Variants in NBEA observed in about 807,000 individuals in gnomAD.
NBEA encodes the protein lysosomal-trafficking regulator 2.
A neutral mutation model predicts 343.4 loss-of-function variants in NBEA; 44 were observed. That is an observed-to-expected ratio of 0.13 (90% CI 0.10 to 0.16). The LOEUF (loss-of-function observed/expected upper bound fraction) is 0.16, where lower values mean the gene tolerates loss of function less well. Among genes scored for constraint, NBEA ranks in the 10% least tolerant of loss-of-function variants. The pLI, the probability that NBEA is intolerant of heterozygous loss-of-function variation, is 1.00. For missense variants in NBEA, 2,555 were observed against 3,631.3 expected, an observed-to-expected ratio of 0.70 and a Z score of 7.62; for synonymous variants, 1,175 against 1,238.7, an observed-to-expected ratio of 0.95 and a Z score of 1.08.
intron 8 of NBEA, among the ~76,000 whole-genome samples, chr13:35,059,901 A>G (rs932697945): frequency 6.6e-6 from 1 of 151,816 alleles, no homozygotes; most frequent in Non-Finnish European, 1.5e-5. Flanking sequence ...AATACTTGCT[A>G]TCATGTATTT....
chr13:35,524,827 G>C (rs1260581292), intron 41 of NBEA, among the ~76,000 whole-genome samples: 2 of 152,126 alleles, frequency 1.3e-5, no homozygotes, highest in Non-Finnish European at 2.9e-5. Flanking sequence ...CAGAAATACA[G>C]CACTTACCAG....
intron 33 of NBEA, among the ~76,000 whole-genome samples, chr13:35,213,797 A>G (rs2073917528): frequency 6.6e-6 from 1 of 151,976 alleles, no homozygotes; most frequent in Admixed American, 6.6e-5. Context: ...TTGAGCATAC[A>G]TTTTAATGAG....
chr13:35,493,730 G>A (rs2076578006), intron 41 of NBEA, among the ~76,000 whole-genome samples: 1 of 151,916 alleles, frequency 6.6e-6, no homozygotes, highest in Non-Finnish European at 1.5e-5. Flanking sequence ...CCTGCCCTGT[G>A]TGATGAAGGC....
chr13:35,138,484 G>C (rs1355306095), intron 17 of NBEA, among the ~76,000 whole-genome samples: 2 of 148,828 alleles, frequency 1.3e-5, no homozygotes, highest in Non-Finnish European at 3.0e-5. Flanking sequence ...TTTCGAGATG[G>C]AGTTTTGCTC....
intron 46 of NBEA, among the ~76,000 whole-genome samples, chr13:35,587,025 A>T (rs915999723): frequency 3.3e-5 from 5 of 152,216 alleles, no homozygotes; most frequent in Non-Finnish European, 5.9e-5. Flanking sequence ...ATACAAAAAA[A>T]CTAATTAATT....
chr13:35,446,386 T>C (rs1327203138), intron 39 of NBEA, among the ~76,000 whole-genome samples: 2 of 152,160 alleles, frequency 1.3e-5, no homozygotes, highest in African/African-American at 2.4e-5. Flanking sequence ...CCTGAGGAAT[T>C]GCCTCACTGT....
At chr13:35,418,023 T>C (rs1204882195) in intron 38 of NBEA, among the ~76,000 whole-genome samples, 2 of 152,184 alleles carry the variant, frequency 1.3e-5, no homozygotes, top group African/African-American at 2.4e-5. Context: ...TTGATCTTTG[T>C]TGGTTTAAAG....
At chr13:35,054,118 C>A (rs2063160223) in intron 6 of NBEA, among the ~76,000 whole-genome samples, 1 of 151,906 alleles carries the variant, frequency 6.6e-6, no homozygotes, top group Non-Finnish European at 1.5e-5. Flanking sequence ...TGTCTTTGGG[C>A]AGGAAATCTT....
chr13:35,242,709 T>C (rs2030526246), intron 34 of NBEA, among the ~76,000 whole-genome samples: 1 of 151,846 alleles, frequency 6.6e-6, no homozygotes, highest in South Asian at 2.1e-4. Flanking sequence ...AATCCATGCA[T>C]GCTGGAAGGC....
intron 39 of NBEA, among the ~76,000 whole-genome samples, chr13:35,439,432 CG>C (rs1333671309): frequency 1.3e-5 from 2 of 151,814 alleles, no homozygotes; most frequent in African/African-American, 4.8e-5. Context: ...GCCAGGTTAT[CG>C]GGGAGTAAAG....
intron 40 of NBEA, among the ~76,000 whole-genome samples, chr13:35,462,285 T>C (rs1405007813): frequency 2.0e-5 from 3 of 152,170 alleles, no homozygotes; most frequent in Non-Finnish European, 2.9e-5. Context: ...AACCTAGATA[T>C]AGAAAGGAAA....
chr13:35,303,808 T>A (rs2036705953), intron 35 of NBEA, among the ~76,000 whole-genome samples: 1 of 152,160 alleles, frequency 6.6e-6, no homozygotes, highest in Admixed American at 6.6e-5. Context: ...AACCTATCTT[T>A]CTCTGAGCAT....
In NBEA at chr13:34,943,195, C is replaced by T. The variant is rs543340888; in HGVS notation, c.294+81C>T. 1,757 of 1,529,212 alleles carry T rather than the reference C, an allele frequency of 1.1e-3. 7 individuals are homozygous for T. Among genetic ancestry groups the T allele is most frequent in the Middle Eastern group, 3.0e-3 (14 of 4,604 alleles). The allele number at this position is 1,529,212 out of a possible 1,614,324, so 94.7% of individuals were successfully genotyped here. On this transcript the variant is annotated intron_variant, in intron 1 of 58. Coordinates refer to ENST00000379939, the MANE Select transcript of NBEA (RefSeq NM_001385012.1). ...CAGCGCCTTTCCCTCCCACCCTTCA[C>T]CCCCAGGGTCACACGCGCCGCGCGT...
chr13:35,250,898 A>C (rs1260771397), intron 34 of NBEA, among the ~76,000 whole-genome samples: 2 of 152,268 alleles, frequency 1.3e-5, no homozygotes, highest in Non-Finnish European at 2.9e-5. Flanking sequence ...GGACACATTC[A>C]TAAGTGATAA....
chr13:35,332,243 A>G (rs2038969203), intron 36 of NBEA, among the ~76,000 whole-genome samples: 1 of 152,094 alleles, frequency 6.6e-6, no homozygotes, highest in South Asian at 2.1e-4. Flanking sequence ...AGCTAGTGTG[A>G]TAAATAAATA....
At chr13:35,426,838 T>C (rs913194951) in intron 38 of NBEA, among the ~76,000 whole-genome samples, 18 of 152,160 alleles carry the variant, frequency 1.2e-4, no homozygotes, top group Non-Finnish European at 2.5e-4. Flanking sequence ...GGAGGCTTTG[T>C]TCGTTTCTTT....
At chr13:34,967,665 A>G (rs2059866665) in intron 1 of NBEA, among the ~76,000 whole-genome samples, 1 of 152,092 alleles carries the variant, frequency 6.6e-6, no homozygotes, top group African/African-American at 2.4e-5. Flanking sequence ...AGGTAAGCAA[A>G]CATTTTCTAT....
At chr13:35,655,191 C>T (rs781021813) in intron 54 of NBEA, among the ~76,000 whole-genome samples, 181 bp downstream of exon 54, 2 of 152,178 alleles carry the variant, frequency 1.3e-5, no homozygotes, top group Non-Finnish European at 2.9e-5. Flanking sequence ...GTATTCCGAA[C>T]GTTAGCATGA....
At chr13:35,452,922 T>C (rs1367697746) in intron 40 of NBEA, among the ~76,000 whole-genome samples, 4 of 152,212 alleles carry the variant, frequency 2.6e-5, no homozygotes, top group African/African-American at 9.6e-5. Context: ...AATGTCATAG[T>C]GGTCACTGAC....
Sources: gnomAD v4.1 joint callset for allele counts (sites outside exome capture counted in the v4.1 genomes callset) on GRCh38, gnomAD v4.1.1 for gene constraint, MANE v1.5 for transcripts, NCBI Gene and HGNC (gene_info 2026-07-23, HGNC 2026-07-21) for gene names.